Variants in CXorf58 observed in about 807,000 individuals in gnomAD.
CXorf58 encodes chromosome X open reading frame 58.
CXorf58 carries 24 observed loss-of-function variants against 26.0 expected under a neutral mutation model. That is an observed-to-expected ratio of 0.92 (90% CI 0.67 to 1.30). The LOEUF (loss-of-function observed/expected upper bound fraction) is 1.30, where lower values mean the gene tolerates loss of function less well. Ranked by LOEUF, CXorf58 falls within the 50% of genes most tolerant of loss-of-function variation. The pLI is 0.00. For missense variants in CXorf58, 236 were observed against 263.9 expected, an observed-to-expected ratio of 0.89 and a Z score of 0.73; for synonymous variants, 87 against 86.1, an observed-to-expected ratio of 1.01 and a Z score of -0.06.
Position 23,939,228 on chromosome X carries a change from T to C in CXorf58, c.940-16T>C. 1 of 1,141,225 alleles carries C rather than the reference T, an allele frequency of 8.8e-7. No individual in the cohort carries two copies. The highest frequency in any genetic ancestry group is 3.0e-5 in the East Asian group (1 of 33,301). The allele number at this position is 1,141,225 out of a possible 1,213,427, so 94.0% of individuals were successfully genotyped here. A position where few individuals can be genotyped will look rare whatever the true frequency, so the allele number is the denominator to read the frequency against. ...AATATATAACACTTCCTACTTTTAT[T>C]GATAATTCTGCCTAGGAACCAAAAA... On this transcript the variant is annotated splice_polypyrimidine_tract_variant and intron_variant, in intron 8 of 8. Coordinates refer to ENST00000379211, the MANE Select transcript of CXorf58 (RefSeq NM_152761.3).
chrX:23,922,568 G>C (rs966571168), intron 5 of CXorf58, among the ~76,000 whole-genome samples: 1 of 111,705 alleles, frequency 9.0e-6, no homozygotes, highest in Non-Finnish European at 1.9e-5. Context: ...AATAACTCTG[G>C]TTAGGGACAC....
At chrX:23,925,346 C>CTT (rs759663219) in intron 5 of CXorf58, among the ~76,000 whole-genome samples, 172 of 91,931 alleles carry the variant, frequency 1.9e-3, no homozygotes, top group African/African-American at 5.9e-3. Context: ...TTTCTTTTCT[C>CTT]TTTTTTTTTT....
chrX:23,927,376 G>A lies in CXorf58; in HGVS notation c.555+6G>A, dbSNP rs777330113. 1.8e-6 allele frequency: 2 copies of A among 1,116,157 alleles called. No homozygotes were observed. Among genetic ancestry groups the A allele is most frequent in the Admixed American group, 2.8e-5 (1 of 35,238 alleles). 92.0% of individuals were successfully genotyped at this position (1,116,157 alleles called of 1,213,427 possible). On this transcript the variant is annotated splice_donor_region_variant and intron_variant, in intron 6 of 8. Coordinates refer to ENST00000379211, the MANE Select transcript of CXorf58 (RefSeq NM_152761.3). ...CCATGCAAGATTATGTACAAGTAAG[G>A]AATTTAGATTTAGAAAAACAAACAA...
Position 23,910,353 on chromosome X carries a change from A to T in CXorf58, c.51A>T (p.Thr17=), listed in dbSNP as rs750942077. Residue 17 remains threonine (T), a synonymous_variant, in exon 2 of 9, where the codon ACA becomes ACT. Coordinates refer to ENST00000379211, the MANE Select transcript of CXorf58 (RefSeq NM_152761.3). ...VPRKGILKSG[T]RSLQKVRRVH... is the part of the protein sequence containing the mutation. Reference sequence around the variant, plus strand: ...GTAAAGGTATTCTGAAATCAGGTACAAGATCCTTACAAAAAGTTCGCAGAG... The same window carrying T: ...GTAAAGGTATTCTGAAATCAGGTACTAGATCCTTACAAAAAGTTCGCAGAG... The T allele has an allele frequency of 3.3e-6, 4 of 1,199,659 alleles. No individual in the cohort carries two copies. In the South Asian group the frequency reaches 7.1e-5, roughly 21 times the overall value.
intron 6 of CXorf58, among the ~76,000 whole-genome samples, chrX:23,934,343 G>A (rs1216980614): frequency 9.0e-6 from 1 of 111,615 alleles, no homozygotes; most frequent in Non-Finnish European, 1.9e-5. Flanking sequence ...TTTGGATGAA[G>A]TGACATTTGA....
At chrX:23,918,658 T>C (rs1210594137) in intron 5 of CXorf58, among the ~76,000 whole-genome samples, 1 of 112,192 alleles carries the variant, frequency 8.9e-6, no homozygotes, top group Non-Finnish European at 1.9e-5. Context: ...GTGTACTTAC[T>C]ATTACCAGTG....
intron 5 of CXorf58, among the ~76,000 whole-genome samples, chrX:23,918,237 T>C (rs1302838231): frequency 8.9e-6 from 1 of 111,791 alleles, no homozygotes; most frequent in African/African-American, 3.2e-5. Flanking sequence ...CTTCTTTCCT[T>C]CCTTCCTGCC....
chrX:23,922,579 A>G (rs1438508135), intron 5 of CXorf58, among the ~76,000 whole-genome samples: 2 of 111,779 alleles, frequency 1.8e-5, no homozygotes, highest in South Asian at 3.7e-4. Context: ...TTAGGGACAC[A>G]TTATTCCCAT....
chrX:23,925,346 C>CTTTTTTTTTT (rs759663219), intron 5 of CXorf58, among the ~76,000 whole-genome samples: 1 of 91,957 alleles, frequency 1.1e-5, no homozygotes, highest in Non-Finnish European at 2.2e-5. Flanking sequence ...TTTCTTTTCT[C>CTTTTTTTTTT]TTTTTTTTTT....
chrX:23,935,916 G>A (rs1026169989), intron 7 of CXorf58, among the ~76,000 whole-genome samples: 83 of 110,866 alleles, frequency 7.5e-4, no homozygotes, highest in African/African-American at 2.6e-3. Flanking sequence ...GGGATTACAG[G>A]TGCCCACCAC....
intron 6 of CXorf58, among the ~76,000 whole-genome samples, chrX:23,933,378 A>C (rs1928214549): frequency 9.0e-6 from 1 of 111,606 alleles, no homozygotes; most frequent in Non-Finnish European, 1.9e-5. Context: ...ATGCACGACT[A>C]TAATGTTAAA....
intron 1 of CXorf58, among the ~76,000 whole-genome samples, chrX:23,909,125 A>G (rs1451118341): frequency 8.9e-6 from 1 of 112,170 alleles, no homozygotes; most frequent in Non-Finnish European, 1.9e-5. Flanking sequence ...CCAAGGAGAA[A>G]TACTGAATAG....
intron 5 of CXorf58, among the ~76,000 whole-genome samples, chrX:23,920,689 C>T (rs1053002201): frequency 2.7e-5 from 3 of 110,488 alleles, no homozygotes; most frequent in African/African-American, 6.6e-5. Flanking sequence ...GTCAGGAGTT[C>T]GAGACCAGCC....
At chrX:23,921,786 C>A (rs917883770) in intron 5 of CXorf58, among the ~76,000 whole-genome samples, 10 of 110,681 alleles carry the variant, frequency 9.0e-5, no homozygotes, top group African/African-American at 3.0e-4. Context: ...GCAACCTCCC[C>A]CTCCCAGGCT....
chrX:23,913,880 T>A (rs772073102), intron 3 of CXorf58, among the ~76,000 whole-genome samples: 90 of 110,155 alleles, frequency 8.2e-4, no homozygotes, highest in Non-Finnish European at 1.6e-3. Context: ...AGACTCCGTC[T>A]GAATACTTCA....
intron 5 of CXorf58, among the ~76,000 whole-genome samples, chrX:23,921,497 A>G (rs766781977): frequency 8.9e-5 from 10 of 111,952 alleles, no homozygotes; most frequent in Non-Finnish European, 1.5e-4. Flanking sequence ...TGATCAGAAC[A>G]TACCCAACTT....
chrX:23,910,263 G>A lies in CXorf58; in HGVS notation c.-20-20G>A, dbSNP rs1927537169. ...ATAGTATAAATTATGACCTCAAAGG[G>A]TTAATTTATGTACTTTCAGATTACT... On this transcript the variant is annotated intron_variant, in intron 1 of 8. Transcript: ENST00000379211. 1.2e-6 allele frequency: 1 copy of A among 839,994 alleles called. No individual in the cohort carries two copies. The highest frequency in any genetic ancestry group is 2.0e-5 in the African/African-American group (1 of 50,641). The allele number at this position is 839,994 out of a possible 1,213,427, so 69.2% of individuals were successfully genotyped here. A position where few individuals can be genotyped will look rare whatever the true frequency, so the allele number is the denominator to read the frequency against.
At chrX:23,932,178 G>C (rs748133061) in intron 6 of CXorf58, among the ~76,000 whole-genome samples, 299 of 112,141 alleles carry the variant, frequency 2.7e-3, no homozygotes, top group South Asian at 0.017. Context: ...TTAAAATTTG[G>C]ATCAGCTGCC....
chrX:23,916,271 T>C lies in CXorf58; in HGVS notation c.366T>C (p.Thr122=). The change falls in exon 5 of 9, where the codon ACT becomes ACC. Residue 122 remains threonine, a synonymous_variant. Coordinates refer to ENST00000379211, the MANE Select transcript of CXorf58 (RefSeq NM_152761.3). ...PFIVFKIFLH[T]DGHGYKYFSG... ...TCGTGTTTAAAATTTTTCTTCATAC[T>C]GATGGCCATGGTTACAAGTATTTTA... is the stretch of plus-strand genomic sequence containing the variant. 1 of 1,205,142 alleles carries C rather than the reference T, an allele frequency of 8.3e-7. No individual in the cohort carries two copies. The highest frequency in any genetic ancestry group is 1.8e-5 in the South Asian group (1 of 55,996).
Sources: allele counts gnomAD v4.1 joint callset (sites outside exome capture counted in the v4.1 genomes callset), GRCh38; gene constraint gnomAD v4.1.1; transcripts MANE v1.5; gene names NCBI Gene and HGNC (gene_info 2026-07-23, HGNC 2026-07-21).